The following PREP variants were observed in gnomAD, a reference collection of about 807,000 sequenced individuals.
The protein encoded by PREP is dJ355L5.1 (prolyl endopeptidase).
In PREP, 29 loss-of-function variants were observed where a neutral mutation model predicts 87.6. That is an observed-to-expected ratio of 0.33 (90% CI 0.25 to 0.45). PREP has a LOEUF of 0.45. PREP is among the 20% of genes least tolerant of loss of function. PREP has a pLI of 1.00. For synonymous variants in PREP, 337 were observed against 328.6 expected, an observed-to-expected ratio of 1.03 and a Z score of -0.28; for missense variants, 695 against 886.5, an observed-to-expected ratio of 0.78 and a Z score of 2.74.
chr6:105,355,284 C>T (rs1179214931), intron 6 of PREP, among the ~76,000 whole-genome samples: 1 of 152,080 alleles, frequency 6.6e-6, no homozygotes, highest in Non-Finnish European at 1.5e-5. Flanking sequence ...CGGAGTTTCA[C>T]CATGTTGGTC....
chr6:105,295,051 C>G (rs1171605716), intron 10 of PREP, among the ~76,000 whole-genome samples: 1 of 152,180 alleles, frequency 6.6e-6, no homozygotes, highest in Non-Finnish European at 1.5e-5. Context: ...CAAATGAATA[C>G]TTGATCTCAG....
intron 10 of PREP, among the ~76,000 whole-genome samples, chr6:105,312,286 C>A (rs1247897498): frequency 6.6e-6 from 1 of 152,104 alleles, no homozygotes; most frequent in East Asian, 1.9e-4. Flanking sequence ...TACAAATGTA[C>A]ACACATAGAG....
rs764601865 is a variant in PREP, at chr6:105,285,540, G to A, written c.1495C>T (p.Leu499=). 1.2e-6 allele frequency: 2 copies of A among 1,614,064 alleles called. No individual in the cohort carries two copies. The highest frequency in any genetic ancestry group is 1.7e-6 in the Non-Finnish European group (2 of 1,179,994). The stretch of plus-strand genomic sequence containing the variant: ...CCTCCTCTGATGTTGGCCACTGCCA[G>A]GATACCACCCATGTGTCTCACAAAA... ...LIFVRHMGGI[L]AVANIRGGGE... Residue 499 remains leucine, a synonymous_variant, in exon 12 of 15, where the codon CTG becomes TTG. Coordinates refer to ENST00000652536, the MANE Select transcript of PREP (RefSeq NM_002726.5).
intron 7 of PREP, 90 bp from the exon 8 acceptor site, chr6:105,333,595 AT>A: frequency 2.3e-6 from 3 of 1,281,014 alleles, no homozygotes; most frequent in Non-Finnish European, 3.4e-6. Context: ...GATCTTTCTT[AT>A]CCTCAAAACA....
intron 2 of PREP, among the ~76,000 whole-genome samples, chr6:105,396,215 A>G (rs1773282177): frequency 7.4e-6 from 1 of 135,962 alleles, no homozygotes; most frequent in Non-Finnish European, 1.7e-5. Context: ...GAAGGGAGTT[A>G]GAGAAAGAAT....
chr6:105,290,997 G>A (rs1770286281), intron 10 of PREP, among the ~76,000 whole-genome samples: 1 of 152,200 alleles, frequency 6.6e-6, no homozygotes, highest in Non-Finnish European at 1.5e-5. Flanking sequence ...AATAAAGCAA[G>A]TGATACAAAT....
chr6:105,343,553 T>C (rs1771717564), intron 7 of PREP, among the ~76,000 whole-genome samples: 2 of 152,202 alleles, frequency 1.3e-5, no homozygotes, highest in Non-Finnish European at 2.9e-5. Flanking sequence ...GAAGAGCTTC[T>C]GCACAGCAAA....
chr6:105,358,617 GCTT>G (rs1400025740), intron 6 of PREP, among the ~76,000 whole-genome samples: 1 of 152,146 alleles, frequency 6.6e-6, no homozygotes, highest in Admixed American at 6.5e-5. Flanking sequence ...ACACCCCCAT[GCTT>G]CTTCTCTGGT....
chr6:105,307,749 A>G (rs980089749), intron 10 of PREP, among the ~76,000 whole-genome samples: 12 of 152,078 alleles, frequency 7.9e-5, no homozygotes, highest in Admixed American at 3.3e-4. Context: ...AGTAGCTGGG[A>G]TTACAGGCAC....
intron 12 of PREP, among the ~76,000 whole-genome samples, chr6:105,283,036 C>T (rs561659257): frequency 1.1e-4 from 16 of 152,328 alleles, no homozygotes; most frequent in Admixed American, 8.5e-4. Context: ...CCCCTCCCCG[C>T]GAAGACGGAG....
intron 10 of PREP, among the ~76,000 whole-genome samples, chr6:105,317,384 G>A (rs547269261): frequency 5.7e-4 from 87 of 152,232 alleles, no homozygotes; most frequent in African/African-American, 2.1e-3. Flanking sequence ...TCTGTCAACT[G>A]TTAACAGTGT....
chr6:105,329,279 A>C (rs565318207), intron 8 of PREP, among the ~76,000 whole-genome samples: 1 of 152,110 alleles, frequency 6.6e-6, no homozygotes, highest in East Asian at 1.9e-4. Context: ...CAGCCTCCCA[A>C]GTGGCTGGGA....
Position 105,361,518 on chromosome 6 carries a change from G to A in PREP, c.717+7385C>T, listed in dbSNP as rs78550618. On this transcript the variant is annotated intron_variant, in intron 6 of 14. Transcript: ENST00000652536. ...TTGAATCTACATGCACTTTCAAACT[G>A]AGGAAGGTATTTTCTTTTATATGTT... Among the ~76,000 whole-genome samples the A allele has an allele frequency of 9.3e-3, 1,417 of 152,162 alleles. 19 individuals are homozygous for A. The highest frequency in any genetic ancestry group is 0.033 in the African/African-American group (1,351 of 41,528).
In PREP at chr6:105,276,660, T is replaced by C. The variant is rs1005229997; in HGVS notation, c.*1484A>G. Among the ~76,000 whole-genome samples the C allele has an allele frequency of 6.6e-5, 10 of 152,212 alleles. 1 individual carries two copies. The highest frequency in any genetic ancestry group is 2.4e-4 in the African/African-American group (10 of 41,446). On this transcript the variant is annotated 3_prime_UTR_variant, in exon 15 of 15. Transcript: ENST00000652536. ...TTTCCAGAGGAGTTATGGTGAATCT[T>C]ATACTCAATGACAACTGTATTATGT...
chr6:105,363,647 G>T (rs991673944), intron 6 of PREP, among the ~76,000 whole-genome samples: 14 of 152,278 alleles, frequency 9.2e-5, no homozygotes, highest in Admixed American at 2.6e-4. Flanking sequence ...GGAGGGCAGT[G>T]AACACATCCT....
intron 7 of PREP, among the ~76,000 whole-genome samples, chr6:105,340,024 T>C (rs1037680357): frequency 6.6e-6 from 1 of 152,056 alleles, no homozygotes; most frequent in South Asian, 2.1e-4. Flanking sequence ...AACATTCAAA[T>C]TCACGAAATA....
intron 12 of PREP, among the ~76,000 whole-genome samples, chr6:105,285,107 C>G (rs1352481368): frequency 1.3e-5 from 2 of 152,134 alleles, no homozygotes; most frequent in African/African-American, 4.8e-5. Context: ...TGTTTCAAGA[C>G]AGTCAACTAA....
At chr6:105,286,548 A>T (rs962305639) in intron 11 of PREP, among the ~76,000 whole-genome samples, 1 of 152,166 alleles carries the variant, frequency 6.6e-6, no homozygotes, top group Non-Finnish European at 1.5e-5. Context: ...ACTGAGTGAC[A>T]TGCTGTTAAC....
intron 7 of PREP, among the ~76,000 whole-genome samples, chr6:105,344,874 A>T (rs908301188): frequency 6.6e-6 from 1 of 152,246 alleles, no homozygotes; most frequent in South Asian, 2.1e-4. Flanking sequence ...ATGAACAAAA[A>T]ACAACAGAAC....
Sources: allele counts gnomAD v4.1 joint callset (sites outside exome capture counted in the v4.1 genomes callset), GRCh38; gene constraint gnomAD v4.1.1; transcripts MANE v1.5; gene names NCBI Gene and HGNC (gene_info 2026-07-23, HGNC 2026-07-21).